PAPPA2: variants seen among roughly 807,000 people sequenced by gnomAD.
PAPPA2 encodes the protein pappalysin 2.
Under a neutral mutation model 176.4 loss-of-function variants are expected in PAPPA2, and 86 were observed. The observed-to-expected ratio is 0.49, with a 90% CI of 0.41 to 0.58. PAPPA2 has a LOEUF of 0.58. Ranked by LOEUF, PAPPA2 falls within the 20% of genes least tolerant of loss-of-function variation. The probability of loss-of-function intolerance (pLI) is 0.00; values close to 1 mark genes in which losing one functional copy is unlikely to be tolerated. For missense variants in PAPPA2, 2,073 were observed against 2,256.9 expected (o/e 0.92, Z 1.65); for synonymous variants, 809 against 852.2 (o/e 0.95, Z 0.88).
Position 176,742,514 on chromosome 1 carries a change from C to T in PAPPA2, c.4151+2318C>T, listed in dbSNP as rs547701406. Among the ~76,000 whole-genome samples, 6 of 152,280 alleles carry T rather than the reference C, an allele frequency of 3.9e-5. No individual in the cohort carries two copies. In the South Asian group the frequency reaches 1.2e-3, roughly 32 times the overall value. ...AAATAGGATATGATTCTCCAGTTTA[C>T]ACTGTGTATCTGGAATGCATAAGCA... On this transcript the variant is annotated intron_variant, in intron 14 of 22. Transcript: ENST00000367662.
chr1:176,489,621 T>C (rs1652805517), intron 1 of PAPPA2, among the ~76,000 whole-genome samples: 1 of 152,318 alleles, frequency 6.6e-6, no homozygotes, highest in African/African-American at 2.4e-5. Flanking sequence ...CTGTGTCTGC[T>C]CTCCCTGTAG....
chr1:176,774,240 C>G (rs976373244), intron 17 of PAPPA2, among the ~76,000 whole-genome samples: 4 of 152,036 alleles, frequency 2.6e-5, no homozygotes, highest in African/African-American at 4.8e-5. Flanking sequence ...GCTCATTCAC[C>G]CTGTAGCCTC....
chr1:176,557,881 G>A (rs1357359448), intron 2 of PAPPA2, among the ~76,000 whole-genome samples: 1 of 152,196 alleles, frequency 6.6e-6, no homozygotes, highest in South Asian at 2.1e-4. Context: ...CCAAGATCCT[G>A]ACTTCTAGGC....
chr1:176,775,295 T>G (rs1664406637), intron 17 of PAPPA2, among the ~76,000 whole-genome samples: 1 of 152,150 alleles, frequency 6.6e-6, no homozygotes. Flanking sequence ...TAAGCAAACT[T>G]ATGATAGAAT....
At chr1:176,830,798 G>A (rs943844121) in intron 21 of PAPPA2, among the ~76,000 whole-genome samples, 2 of 152,196 alleles carry the variant, frequency 1.3e-5, no homozygotes, top group East Asian at 1.9e-4. Context: ...AGGAGCCCAC[G>A]GCACAGACTT....
chr1:176,665,950 T>G (rs1420816808), intron 3 of PAPPA2, among the ~76,000 whole-genome samples: 2 of 152,160 alleles, frequency 1.3e-5, no homozygotes, highest in Non-Finnish European at 2.9e-5. Flanking sequence ...AATAAGAATC[T>G]AATCTTAGAG....
rs188369586 is a variant in PAPPA2, at chr1:176,487,723, A to C, written c.-917+24305A>C. Among the ~76,000 whole-genome samples, 15 of 152,314 alleles carry C rather than the reference A, an allele frequency of 9.8e-5. No homozygotes were observed. In the East Asian group the frequency reaches 2.9e-3, roughly 29 times the overall value. On this transcript the variant is annotated intron_variant, in intron 1 of 22. Transcript: ENST00000367662. ...CTTGTAGGGGTAGAGGTTGAGGCCAAAGACAAATAAAATGTGATTCCTGTT... is the reference window on the plus strand; with the variant it reads ...CTTGTAGGGGTAGAGGTTGAGGCCACAGACAAATAAAATGTGATTCCTGTT...
At chr1:176,751,058 T>C (rs1571270803) in intron 14 of PAPPA2, among the ~76,000 whole-genome samples, 1 of 152,092 alleles carries the variant, frequency 6.6e-6, no homozygotes, top group East Asian at 1.9e-4. Context: ...TTTCTACATA[T>C]GGCTAGCCAG....
Position 176,531,030 on chromosome 1 carries a change from G to A in PAPPA2, c.-916-24377G>A, listed in dbSNP as rs568240051. ...CAGGCCACTTTGGTAGTTCATAAAA[G>A]ACAACCAAAGTTTTAGTTCTGTCTA... is the stretch of plus-strand genomic sequence containing the variant. On this transcript the variant is annotated intron_variant, in intron 1 of 22. Transcript: ENST00000367662. 2.0e-3 allele frequency among the ~76,000 whole-genome samples: 309 copies of A among 152,288 alleles called. 1 individual carries two copies. The highest frequency in any genetic ancestry group is 7.2e-3 in the African/African-American group (300 of 41,560).
chr1:176,621,000 A>G (rs2102691336), intron 3 of PAPPA2, among the ~76,000 whole-genome samples: 1 of 152,256 alleles, frequency 6.6e-6, no homozygotes, highest in Admixed American at 6.5e-5. Flanking sequence ...GTTTCCACAG[A>G]GAGGGATCAA....
At chr1:176,740,235 G>T (rs763832376) in intron 14 of PAPPA2, 39 bp downstream of exon 14, 9 of 1,571,736 alleles carry the variant, frequency 5.7e-6, no homozygotes, top group Non-Finnish European at 7.8e-6. Flanking sequence ...TCCTTTTCTT[G>T]TGGCTCTAAT....
At chr1:176,680,192 C>T (rs1248621555) in intron 4 of PAPPA2, among the ~76,000 whole-genome samples, 1 of 152,138 alleles carries the variant, frequency 6.6e-6, no homozygotes, top group Non-Finnish European at 1.5e-5. Context: ...AAGATGCCTC[C>T]AAGTGACTGC....
intron 1 of PAPPA2, among the ~76,000 whole-genome samples, chr1:176,505,614 T>C (rs1648212689): frequency 2.0e-5 from 3 of 151,890 alleles, no homozygotes; most frequent in Admixed American, 1.3e-4. Context: ...AAAATTAGAT[T>C]GGAGGTTACA....
At chr1:176,804,208 C>T (rs1380581194) in intron 21 of PAPPA2, among the ~76,000 whole-genome samples, 1 of 152,060 alleles carries the variant, frequency 6.6e-6, no homozygotes, top group Non-Finnish European at 1.5e-5. Flanking sequence ...ATTGTTGTTG[C>T]CACATGTTAC....
At chr1:176,801,630 T>C (rs769298607) in intron 21 of PAPPA2, among the ~76,000 whole-genome samples, 2 of 151,698 alleles carry the variant, frequency 1.3e-5, no homozygotes, top group Non-Finnish European at 2.9e-5. Flanking sequence ...AATCATCCAC[T>C]GGGCAGGGGG....
intron 3 of PAPPA2, among the ~76,000 whole-genome samples, chr1:176,660,065 G>C (rs1658270978): frequency 6.6e-6 from 1 of 152,036 alleles, no homozygotes; most frequent in South Asian, 2.1e-4. Flanking sequence ...CACATGGCAT[G>C]GTTGCCAGAT....
intron 3 of PAPPA2, among the ~76,000 whole-genome samples, chr1:176,655,403 T>C (rs12143586): frequency 0.25 from 37,924 of 151,558 alleles, 4,855 homozygotes; most frequent in South Asian, 0.33. Flanking sequence ...CCAGACTCTA[T>C]AAGAAATTCA....
intron 3 of PAPPA2, among the ~76,000 whole-genome samples, chr1:176,655,888 C>T (rs1658006087): frequency 6.6e-6 from 1 of 151,814 alleles, no homozygotes; most frequent in Non-Finnish European, 1.5e-5. Flanking sequence ...CCTCTTTTCT[C>T]TTTTGACTCT....
chr1:176,642,513 T>C (rs543712739), intron 3 of PAPPA2, among the ~76,000 whole-genome samples: 2 of 151,686 alleles, frequency 1.3e-5, no homozygotes, highest in Non-Finnish European at 2.9e-5. Context: ...TGACAAGAGA[T>C]GAGATGACTA....
Sources: gnomAD v4.1 joint callset for allele counts (sites outside exome capture counted in the v4.1 genomes callset) on GRCh38, gnomAD v4.1.1 for gene constraint, MANE v1.5 for transcripts, NCBI Gene and HGNC (gene_info 2026-07-23, HGNC 2026-07-21) for gene names.